Variants in CFAP300 observed in about 807,000 individuals in gnomAD.
The protein encoded by CFAP300 is cilia and flagella associated protein 300.
A neutral mutation model predicts 33.0 loss-of-function variants in CFAP300; 32 were observed. The observed-to-expected ratio is 0.97, with a 90% CI of 0.73 to 1.30. CFAP300 has a LOEUF of 1.30. Ranked by LOEUF, CFAP300 falls within the 50% of genes most tolerant of loss-of-function variation. CFAP300 has a pLI of 0.00. For synonymous variants in CFAP300, 102 were observed against 106.8 expected, an observed-to-expected ratio of 0.95 and a Z score of 0.28; for missense variants, 356 against 318.1, an observed-to-expected ratio of 1.12 and a Z score of -0.90.
At chr11:102,049,496 G>C (rs974362264) in intron 2 of CFAP300, among the ~76,000 whole-genome samples, 8 of 152,170 alleles carry the variant, frequency 5.3e-5, no homozygotes, top group Admixed American at 2.0e-4. Flanking sequence ...ACCCATAACA[G>C]AGAGTAAATT....
intron 3 of CFAP300, 27 bp from the exon 4 acceptor site, chr11:102,066,458 C>T (rs933477800): frequency 2.0e-6 from 3 of 1,510,008 alleles, no homozygotes; most frequent in Admixed American, 2.0e-5. Context: ...TTTCTATCTC[C>T]ATTCTTTATA....
At chr11:102,050,349 G>A (rs1315007308) in intron 2 of CFAP300, among the ~76,000 whole-genome samples, 3 of 152,096 alleles carry the variant, frequency 2.0e-5, no homozygotes, top group Non-Finnish European at 4.4e-5. Context: ...GCAGAACCCA[G>A]GCATTTTGAC....
intron 4 of CFAP300, among the ~76,000 whole-genome samples, chr11:102,074,850 T>G (rs534135736): frequency 1.3e-5 from 2 of 152,064 alleles, no homozygotes; most frequent in East Asian, 3.9e-4. Flanking sequence ...CTACAGGCAT[T>G]CACCACCACG....
intron 3 of CFAP300, among the ~76,000 whole-genome samples, chr11:102,060,791 G>T (rs1477392614): frequency 1.3e-5 from 2 of 152,102 alleles, no homozygotes; most frequent in Non-Finnish European, 2.9e-5. Context: ...TCAAGAACAA[G>T]ATTACAAACA....
intron 2 of CFAP300, among the ~76,000 whole-genome samples, chr11:102,048,489 C>T (rs1222719510): frequency 4.6e-5 from 7 of 152,140 alleles, no homozygotes; most frequent in Non-Finnish European, 8.8e-5. Context: ...GCCACCACCC[C>T]CAGCCTCTCT....
rs369051205 is a variant in CFAP300 at position 102,081,122 on chromosome 11, A to G, written c.609-93A>G. The G allele has an allele frequency of 6.8e-4, 627 of 926,036 alleles. 10 individuals are homozygous for G. In the South Asian group the frequency reaches 0.011, roughly 16 times the overall value. The allele number at this position is 926,036 out of a possible 1,614,324, so 57.4% of individuals were successfully genotyped here. ...GTATGTATTTCCATGTTCTATATGA[A>G]TAAGAACACTTAAATACTAAAAGGG... On this transcript the variant is annotated intron_variant, in intron 5 of 6. Transcript: ENST00000434758.
chr11:102,082,961 C>A, intron 6 of CFAP300, 110 bp from the exon 7 acceptor site: 1 of 441,612 alleles, frequency 2.3e-6, no homozygotes, highest in Non-Finnish European at 3.2e-6. Flanking sequence ...CGCGCCACTG[C>A]ACTCCAGCCT....
chr11:102,075,689 T>TGTCA (rs1429920011), intron 4 of CFAP300, among the ~76,000 whole-genome samples, 184 bp from the exon 5 acceptor site: 3 of 152,218 alleles, frequency 2.0e-5, no homozygotes, highest in Non-Finnish European at 4.4e-5. Context: ...TTTCATTGAA[T>TGTCA]GTCAGTTCCT....
chr11:102,082,037 A>G (rs1942481373), intron 6 of CFAP300, among the ~76,000 whole-genome samples: 1 of 152,144 alleles, frequency 6.6e-6, no homozygotes, highest in Admixed American at 6.6e-5. Context: ...TTTATTAAAT[A>G]TATACTGTGT....
intron 3 of CFAP300, among the ~76,000 whole-genome samples, chr11:102,063,864 AG>A (rs1435757706): frequency 6.6e-6 from 1 of 152,184 alleles, no homozygotes. Flanking sequence ...GAATGGAATG[AG>A]TGTATTTTGC....
intron 3 of CFAP300, among the ~76,000 whole-genome samples, chr11:102,062,354 C>G (rs533331144): frequency 6.6e-6 from 1 of 152,108 alleles, no homozygotes; most frequent in African/African-American, 2.4e-5. Context: ...GTAACAAATA[C>G]CTAAGAATGT....
intron 3 of CFAP300, among the ~76,000 whole-genome samples, chr11:102,062,566 A>G (rs1366903761): frequency 6.6e-6 from 1 of 152,206 alleles, no homozygotes; most frequent in African/African-American, 2.4e-5. Flanking sequence ...CTTATAAGTG[A>G]TGAAATTGGA....
At chr11:102,075,006 C>A (rs1363570897) in intron 4 of CFAP300, among the ~76,000 whole-genome samples, 1 of 152,068 alleles carries the variant, frequency 6.6e-6, no homozygotes, top group Non-Finnish European at 1.5e-5. Flanking sequence ...CATGCCCAGC[C>A]TTCACATTCT....
At chr11:102,058,767 T>C (rs1942096027) in intron 2 of CFAP300, 113 bp from the exon 3 acceptor site, 1 of 656,770 alleles carries the variant, frequency 1.5e-6, no homozygotes, top group Non-Finnish European at 2.6e-6. Flanking sequence ...ATTTTACCAA[T>C]TTAAAATTGT....
chr11:102,076,017 A>C lies in CFAP300; in HGVS notation c.580A>C (p.Thr194Pro), dbSNP rs763985305. 3.7e-6 allele frequency: 6 copies of C among 1,612,696 alleles called. No individual in the cohort carries two copies. The highest frequency in any genetic ancestry group is 5.1e-6 in the Non-Finnish European group (6 of 1,179,626). The part of the protein sequence containing the change: ...EDVISPYLET[T>P]KLIYKDLVSV... Reference sequence around the variant, plus strand: ...TGTGATTAGCCCATATCTGGAAACAACAAAGCTTATCTATAAGGATCTGGT... The same window carrying C: ...TGTGATTAGCCCATATCTGGAAACACCAAAGCTTATCTATAAGGATCTGGT... Residue 194 changes from threonine (T) to proline (P), a missense_variant, in exon 5 of 7, where the codon ACA becomes CCA. Physicochemically the swap from Thr to Pro is conservative, Grantham distance 38 (BLOSUM62 -1). Transcript: ENST00000434758.
intron 4 of CFAP300, among the ~76,000 whole-genome samples, chr11:102,074,556 A>G (rs1434015623): frequency 1.3e-5 from 2 of 152,112 alleles, no homozygotes; most frequent in Non-Finnish European, 2.9e-5. Context: ...TTGTTCAGGA[A>G]GTGAGTGCCA....
chr11:102,072,468 A>T (rs200906270), intron 4 of CFAP300, among the ~76,000 whole-genome samples: 25 of 119,778 alleles, frequency 2.1e-4, no homozygotes, highest in Middle Eastern at 4.3e-3. Context: ...TTTTGAGAGA[A>T]TTTTTTTTTT....
At chr11:102,067,444 A>C (rs772399405) in intron 4 of CFAP300, among the ~76,000 whole-genome samples, 9 of 152,226 alleles carry the variant, frequency 5.9e-5, no homozygotes, top group South Asian at 4.1e-4. Flanking sequence ...AAGCCATTGG[A>C]TTAACTAAAT....
chr11:102,057,347 A>G (rs1197350165), intron 2 of CFAP300, among the ~76,000 whole-genome samples: 1 of 151,838 alleles, frequency 6.6e-6, no homozygotes, highest in Admixed American at 6.6e-5. Context: ...CTCAAAAAAA[A>G]AAAAAAGAAA....
Sources: allele counts gnomAD v4.1 joint callset (sites outside exome capture counted in the v4.1 genomes callset), GRCh38; gene constraint gnomAD v4.1.1; transcripts MANE v1.5; gene names NCBI Gene and HGNC (gene_info 2026-07-23, HGNC 2026-07-21).